ZNF407: variants seen among roughly 807,000 people sequenced by gnomAD.
The protein encoded by ZNF407 is zinc finger protein 407.
ZNF407 carries 17 observed loss-of-function variants against 131.2 expected under a neutral mutation model. That is an observed-to-expected ratio of 0.13 (90% CI 0.09 to 0.19). The LOEUF (loss-of-function observed/expected upper bound fraction) is 0.19. Ranked by LOEUF, ZNF407 falls within the 10% of genes least tolerant of loss-of-function variation. ZNF407 has a pLI of 1.00. For missense variants in ZNF407, 2,681 were observed against 2,830.6 expected (o/e 0.95, Z 1.20); for synonymous variants, 1,156 against 1,062.0 (o/e 1.09, Z -1.72).
intron 7 of ZNF407, among the ~76,000 whole-genome samples, chr18:74,914,984 C>G (rs1208488021): frequency 6.6e-6 from 1 of 152,162 alleles, no homozygotes; most frequent in African/African-American, 2.4e-5. Flanking sequence ...TAGCATTCTT[C>G]TTGTTAAAGT....
intron 5 of ZNF407, among the ~76,000 whole-genome samples, chr18:74,880,620 ATC>A (rs1376907498): frequency 6.6e-6 from 1 of 152,216 alleles, no homozygotes; most frequent in Non-Finnish European, 1.5e-5. Context: ...GGAAAATTCA[ATC>A]TGTTTTCTTT....
chr18:74,879,809 C>T (rs1359993824), intron 5 of ZNF407, among the ~76,000 whole-genome samples: 7 of 152,002 alleles, frequency 4.6e-5, no homozygotes, highest in Non-Finnish European at 8.8e-5. Flanking sequence ...TATATGTGTT[C>T]GTTGAAAGTA....
chr18:74,931,933 G>C (rs1358538768), intron 8 of ZNF407, among the ~76,000 whole-genome samples: 1 of 151,960 alleles, frequency 6.6e-6, no homozygotes, highest in Non-Finnish European at 1.5e-5. Context: ...TTTGACCTGA[G>C]ACCTCTGAAA....
rs188956793 is a variant in ZNF407 at position 74,869,988 on chromosome 18, G to T, written c.4878-7209G>T. Among the ~76,000 whole-genome samples, 245 of 152,260 alleles carry T rather than the reference G, an allele frequency of 1.6e-3. 4 individuals are homozygous for T. Among genetic ancestry groups the T allele is most frequent in the Non-Finnish European group, 1.9e-3 (127 of 68,008 alleles). ...GTTGGCCAGAGTTGATGGTCTCTTTGACAAAGAAAAATTTCATAGCAGAGA... is the reference window on the plus strand; with the variant it reads ...GTTGGCCAGAGTTGATGGTCTCTTTTACAAAGAAAAATTTCATAGCAGAGA... On this transcript the variant is annotated intron_variant, in intron 4 of 8. Coordinates refer to ENST00000299687, the MANE Select transcript of ZNF407 (RefSeq NM_017757.3).
At chr18:74,874,765 T>G (rs1175910094) in intron 4 of ZNF407, among the ~76,000 whole-genome samples, 1 of 152,186 alleles carries the variant, frequency 6.6e-6, no homozygotes, top group East Asian at 1.9e-4. Context: ...GGCATTAAGT[T>G]TATTTTTGTG....
At chr18:74,750,399 C>T (rs1190193456) in intron 3 of ZNF407, among the ~76,000 whole-genome samples, 1 of 152,162 alleles carries the variant, frequency 6.6e-6, no homozygotes, top group Non-Finnish European at 1.5e-5. Flanking sequence ...TAACTTGATT[C>T]ATATGTAAAT....
intron 1 of ZNF407, among the ~76,000 whole-genome samples, chr18:74,629,991 A>G (rs964925578): frequency 2.0e-5 from 3 of 152,114 alleles, no homozygotes; most frequent in African/African-American, 7.2e-5. Flanking sequence ...TAAAATGACA[A>G]TTAGATGAGG....
chr18:74,628,779 T>C (rs945272061), intron 1 of ZNF407, among the ~76,000 whole-genome samples: 6 of 152,094 alleles, frequency 3.9e-5, no homozygotes, highest in Non-Finnish European at 7.4e-5. Flanking sequence ...GGGGTCTTGC[T>C]GTGTTGCCCA....
rs1318291790 is a variant in ZNF407, at chr18:74,633,737, G to A, written c.2718G>A (p.Arg906=). The change falls in exon 2 of 9, where the codon CGG becomes CGA. Residue 906 remains arginine, a synonymous_variant. Coordinates refer to ENST00000299687, the MANE Select transcript of ZNF407 (RefSeq NM_017757.3). ...RHCATKKHKG[R]VEIEASGKHS... ...GTGCCACCAAGAAACATAAAGGACG[G>A]GTAGAAATAGAAGCAAGTGGAAAAC... is the stretch of plus-strand genomic sequence containing the variant. 5 of 1,613,824 alleles carry A rather than the reference G, an allele frequency of 3.1e-6. No individual in the cohort carries two copies. Among genetic ancestry groups the A allele is most frequent in the East Asian group, 2.2e-5 (1 of 44,896 alleles).
chr18:74,702,031 C>G (rs9675971), intron 3 of ZNF407, among the ~76,000 whole-genome samples: 104,852 of 152,080 alleles, frequency 0.69, 37,118 homozygotes, highest in East Asian at 0.86. Context: ...CATTATTATA[C>G]TGAAAATATC....
intron 8 of ZNF407, among the ~76,000 whole-genome samples, chr18:74,938,750 A>C (rs1207384412): frequency 6.6e-6 from 1 of 152,268 alleles, no homozygotes; most frequent in Non-Finnish European, 1.5e-5. Flanking sequence ...AGACTAAAGC[A>C]GAGGGAGAAA....
Position 74,632,239 on chromosome 18 carries a change from G to A in ZNF407, c.1220G>A (p.Gly407Asp). 1 of 1,613,960 alleles carries A rather than the reference G, an allele frequency of 6.2e-7. No homozygotes were observed. Among genetic ancestry groups the A allele is most frequent in the Non-Finnish European group, 8.5e-7 (1 of 1,179,888 alleles). ...STKNTLQAAHGNSVTSRPRPE... is the reference protein window; with the variant it reads ...STKNTLQAAHDNSVTSRPRPE... ...AAAAATACCCTTCAGGCAGCACACG[G>A]TAACAGTGTAACCTCGAGGCCAAGA... Residue 407 changes from glycine to aspartate, a missense_variant, in exon 2 of 9, where the codon GGT (glycine) becomes GAT (aspartate). Physicochemically the swap from Gly to Asp is moderately conservative, Grantham distance 94. Around this residue, in one of 6 missense-constraint regions of ZNF407, gnomAD observed 1,789 missense variants for 1,748.7 expected, o/e 1.02. Transcript: ENST00000299687.
chr18:74,777,467 C>T (rs519793), intron 3 of ZNF407, among the ~76,000 whole-genome samples: 2,324 of 152,194 alleles, frequency 0.015, 67 homozygotes, highest in African/African-American at 0.052. Context: ...GCCTCCTGTT[C>T]CACGGGCTCT....
intron 4 of ZNF407, among the ~76,000 whole-genome samples, chr18:74,843,867 T>A (rs1414866289): frequency 2.0e-5 from 3 of 152,212 alleles, no homozygotes. Flanking sequence ...TATGATTTTA[T>A]ATAAAATCAT....
intron 8 of ZNF407, among the ~76,000 whole-genome samples, chr18:74,989,309 A>G (rs181704389): frequency 6.6e-6 from 1 of 152,334 alleles, no homozygotes; most frequent in East Asian, 1.9e-4. Flanking sequence ...GTTACTGACT[A>G]CAGGAGGACA....
At chr18:74,657,901 T>TTCTTC (rs1985538726) in intron 3 of ZNF407, among the ~76,000 whole-genome samples, 1 of 147,660 alleles carries the variant, frequency 6.8e-6, no homozygotes, top group African/African-American at 2.5e-5. Context: ...CTCCTTTTCC[T>TTCTTC]TTCTTCTTCT....
chr18:74,868,429 G>T (rs1971042523), intron 4 of ZNF407, among the ~76,000 whole-genome samples: 1 of 152,160 alleles, frequency 6.6e-6, no homozygotes, highest in South Asian at 2.1e-4. Flanking sequence ...AAATAATTGT[G>T]AAAAGCAAGC....
rs545037360 is a variant in ZNF407, at chr18:74,886,967, T to A, written c.5129-2951T>A. 3.2e-4 allele frequency among the ~76,000 whole-genome samples: 49 copies of A among 152,328 alleles called. No individual in the cohort carries two copies. In the South Asian group the frequency reaches 9.3e-3, roughly 29 times the overall value. On this transcript the variant is annotated intron_variant, in intron 6 of 8. Coordinates refer to ENST00000299687, the MANE Select transcript of ZNF407 (RefSeq NM_017757.3). ...TTAGTAAAATAATTTATAATATGTGTCATTTTATCTAGCCTAGTGCTTCCT... is the reference window on the plus strand; with the variant it reads ...TTAGTAAAATAATTTATAATATGTGACATTTTATCTAGCCTAGTGCTTCCT...
At chr18:75,049,358 A>G (rs773225988) in intron 8 of ZNF407, among the ~76,000 whole-genome samples, 2 of 152,192 alleles carry the variant, frequency 1.3e-5, no homozygotes, top group Non-Finnish European at 2.9e-5. Context: ...TTTCACTAAC[A>G]TAGCCTGGGA....
Sources: gnomAD v4.1 joint callset for allele counts (sites outside exome capture counted in the v4.1 genomes callset) on GRCh38, gnomAD v4.1.1 for gene constraint, gnomAD v4.1.1 regional missense constraint, MANE v1.5 for transcripts, NCBI Gene and HGNC (gene_info 2026-07-23, HGNC 2026-07-21) for gene names.